The following LRIG1 variants were observed in gnomAD, a reference collection of about 807,000 sequenced individuals.
The protein encoded by LRIG1 is leucine-rich repeats and immunoglobulin-like domains protein 1.
A neutral mutation model predicts 99.2 loss-of-function variants in LRIG1; 48 were observed. That is an observed-to-expected ratio of 0.48 (90% CI 0.38 to 0.62). The LOEUF (loss-of-function observed/expected upper bound fraction) is 0.62, where lower values mean the gene tolerates loss of function less well. LRIG1 is among the 20% of genes least tolerant of loss of function. The pLI, the probability that LRIG1 is intolerant of heterozygous loss-of-function variation, is 0.00. For synonymous variants in LRIG1, 772 were observed against 596.1 expected, an observed-to-expected ratio of 1.29 and a Z score of -4.30; for missense variants, 1,646 against 1,434.4, an observed-to-expected ratio of 1.15 and a Z score of -2.38.
intron 10 of LRIG1, 57 bp downstream of exon 10, chr3:66,398,913 C>G (rs1034447587): frequency 6.9e-7 from 1 of 1,459,616 alleles, no homozygotes; most frequent in South Asian, 1.1e-5. Context: ...TAGCAGAACT[C>G]CCCGGCAGCC....
intron 7 of LRIG1, among the ~76,000 whole-genome samples, chr3:66,408,962 G>GTGTGTGT (rs1553715390): frequency 3.9e-3 from 402 of 102,968 alleles, no homozygotes; most frequent in East Asian, 0.01. Context: ...GTGTGTGTGT[G>GTGTGTGT]GTGGGGGGAG....
intron 3 of LRIG1, among the ~76,000 whole-genome samples, chr3:66,446,020 C>T (rs897479784): frequency 6.6e-6 from 1 of 152,234 alleles, no homozygotes; most frequent in Non-Finnish European, 1.5e-5. Context: ...CAGCAGATCA[C>T]AGCTGCCTCT....
intron 3 of LRIG1, among the ~76,000 whole-genome samples, chr3:66,441,485 G>C (rs1385126962): frequency 6.6e-6 from 1 of 152,216 alleles, no homozygotes; most frequent in African/African-American, 2.4e-5. Flanking sequence ...GACAGGGAAA[G>C]ATAGTAGGGG....
intron 17 of LRIG1, 129 bp from the exon 18 acceptor site, chr3:66,380,990 C>T: frequency 1.2e-6 from 1 of 849,310 alleles, no homozygotes; most frequent in Admixed American, 2.7e-5. Context: ...ATGCATGCTT[C>T]CTCTTTTCCC....
intron 3 of LRIG1, among the ~76,000 whole-genome samples, chr3:66,424,627 C>A (rs1702920815): frequency 6.6e-6 from 1 of 152,174 alleles, no homozygotes; most frequent in Non-Finnish European, 1.5e-5. Context: ...TAATGAACAC[C>A]TATTATATAC....
intron 1 of LRIG1, among the ~76,000 whole-genome samples, chr3:66,483,391 T>G (rs1380132647): frequency 6.6e-6 from 1 of 152,248 alleles, no homozygotes; most frequent in African/African-American, 2.4e-5. Context: ...TGTATCTGCC[T>G]GAAGTCTCCT....
intron 1 of LRIG1, among the ~76,000 whole-genome samples, chr3:66,495,430 C>T (rs1701204364): frequency 6.6e-6 from 1 of 152,182 alleles, no homozygotes; most frequent in Admixed American, 6.5e-5. Flanking sequence ...GGAGGGGGAA[C>T]GTACCCAGTG....
chr3:66,498,140 T>C (rs901827453), intron 1 of LRIG1: 4 of 152,222 alleles, frequency 2.6e-5, no homozygotes, highest in African/African-American at 9.6e-5. Flanking sequence ...TGTTGCTACA[T>C]ACTAACCAGA....
chr3:66,499,995 G>C (rs929563566), intron 1 of LRIG1, among the ~76,000 whole-genome samples, 195 bp downstream of exon 1: 1 of 151,540 alleles, frequency 6.6e-6, no homozygotes, highest in Non-Finnish European at 1.5e-5. Context: ...TCTCTCGCAC[G>C]CCTACTCCCC....
intron 3 of LRIG1, among the ~76,000 whole-genome samples, chr3:66,443,782 C>T (rs921976500): frequency 1.3e-5 from 2 of 152,222 alleles, no homozygotes; most frequent in Non-Finnish European, 2.9e-5. Context: ...TCACAGCAGC[C>T]GTGCAGAGGA....
At chr3:66,408,900 TA>T (rs1360522825) in intron 7 of LRIG1, among the ~76,000 whole-genome samples, 3 of 128,130 alleles carry the variant, frequency 2.3e-5, no homozygotes, top group African/African-American at 8.8e-5. Flanking sequence ...CACCAAAATA[TA>T]AACTCCAAGT....
Position 66,407,398 on chromosome 3 carries a change from G to A in LRIG1, c.1029C>T (p.Ile343=), listed in dbSNP as rs1702307444. The A allele has an allele frequency of 6.2e-7, 1 of 1,614,014 alleles. No individual in the cohort carries two copies. The highest frequency in any genetic ancestry group is 1.3e-5 in the African/African-American group (1 of 74,924). Residue 343 remains isoleucine, a synonymous_variant, in exon 8 of 19, where the codon ATC becomes ATT. Coordinates refer to ENST00000273261, the MANE Select transcript of LRIG1 (RefSeq NM_015541.3). ...TGAAGGCACCCTCCGCAATGTGGCTGATGGAATTGTGGCTGAGACGCAGGA... is the reference window on the plus strand; with the variant it reads ...TGAAGGCACCCTCCGCAATGTGGCTAATGGAATTGTGGCTGAGACGCAGGA... ...LSVLRLSHNS[I]SHIAEGAFKG... is the part of the protein sequence containing the mutation.
At chr3:66,482,039 G>C (rs887406715) in intron 1 of LRIG1, among the ~76,000 whole-genome samples, 2 of 152,212 alleles carry the variant, frequency 1.3e-5, no homozygotes, top group African/African-American at 4.8e-5. Flanking sequence ...ACGCTAATCT[G>C]CGCTGATTCC....
intron 3 of LRIG1, among the ~76,000 whole-genome samples, chr3:66,439,663 A>C (rs376872346): frequency 2.6e-5 from 4 of 152,170 alleles, no homozygotes; most frequent in African/African-American, 9.6e-5. Flanking sequence ...TTGTTTTACT[A>C]TAAAGAGAGT....
intron 3 of LRIG1, among the ~76,000 whole-genome samples, chr3:66,440,938 CCT>C (rs753778216): frequency 6.6e-6 from 1 of 152,152 alleles, no homozygotes; most frequent in African/African-American, 2.4e-5. Context: ...AAAAATGCCC[CCT>C]CTCTATAAAG....
chr3:66,494,111 T>A (rs1382058049), intron 1 of LRIG1, among the ~76,000 whole-genome samples: 5 of 152,114 alleles, frequency 3.3e-5, no homozygotes, highest in Non-Finnish European at 5.9e-5. Context: ...ACCTTCAAAT[T>A]GTGCTCCAGA....
At chr3:66,382,108 G>A (rs1009898161) in intron 16 of LRIG1, among the ~76,000 whole-genome samples, 165 bp downstream of exon 16, 3 of 152,190 alleles carry the variant, frequency 2.0e-5, no homozygotes, top group African/African-American at 7.2e-5. Flanking sequence ...CAGAACTCAT[G>A]AAGACTGGGT....
intron 1 of LRIG1, among the ~76,000 whole-genome samples, chr3:66,479,325 T>A (rs1299990634): frequency 6.6e-6 from 1 of 152,238 alleles, no homozygotes; most frequent in Non-Finnish European, 1.5e-5. Flanking sequence ...AGGGACACTA[T>A]GTAATAAGCT....
At chr3:66,491,126 A>G (rs574499480) in intron 1 of LRIG1, among the ~76,000 whole-genome samples, 75 of 152,344 alleles carry the variant, frequency 4.9e-4, no homozygotes, top group African/African-American at 1.8e-3. Context: ...GATTTTTCTT[A>G]CAGGCTGCCT....
Sources: allele counts gnomAD v4.1 joint callset (sites outside exome capture counted in the v4.1 genomes callset), GRCh38; gene constraint gnomAD v4.1.1; transcripts MANE v1.5; gene names NCBI Gene and HGNC (gene_info 2026-07-23, HGNC 2026-07-21).